Variants in STARD13 observed in about 807,000 individuals in gnomAD.
STARD13 encodes stAR-related lipid transfer protein 13.
Under a neutral mutation model 106.4 loss-of-function variants are expected in STARD13, and 62 were observed. That is an observed-to-expected ratio of 0.58 (90% confidence interval 0.48 to 0.72). STARD13 has a LOEUF of 0.72. Among genes scored for constraint, STARD13 ranks in the 30% least tolerant of loss-of-function variants. STARD13 has a pLI of 0.00. For missense variants in STARD13, 1,387 were observed against 1,424.0 expected (o/e 0.97, Z 0.42); for synonymous variants, 565 against 553.0 (o/e 1.02, Z -0.31).
chr13:33,641,690 G>A, the STARD13 span, among the ~76,000 whole-genome samples: 17 of 152,260 alleles, frequency 1.1e-4, no homozygotes, highest in Admixed American at 8.5e-4. Flanking sequence ...TCCTGGAACC[G>A]TGCTGTATGG....
chr13:33,318,036 A>C (rs1893408553), intron 1 of STARD13, among the ~76,000 whole-genome samples: 2 of 152,218 alleles, frequency 1.3e-5, no homozygotes, highest in African/African-American at 4.8e-5. Flanking sequence ...TCTTTCAACC[A>C]CATTGGCATC....
the STARD13 span, among the ~76,000 whole-genome samples, chr13:33,544,277 A>G: frequency 1.3e-5 from 2 of 152,284 alleles, no homozygotes; most frequent in Admixed American, 1.3e-4. Flanking sequence ...CTACCGTGCC[A>G]TTTATAAATG....
the STARD13 span, among the ~76,000 whole-genome samples, chr13:33,529,815 T>C: frequency 6.6e-6 from 1 of 152,154 alleles, no homozygotes; most frequent in Non-Finnish European, 1.5e-5. Context: ...CAATACAGCA[T>C]GTTCAAAGAA....
the STARD13 span, among the ~76,000 whole-genome samples, chr13:33,507,678 T>C: frequency 6.6e-6 from 1 of 152,194 alleles, no homozygotes; most frequent in Non-Finnish European, 1.5e-5. Flanking sequence ...AAAACTTAAC[T>C]GTTAACACAG....
intron 3 of STARD13, among the ~76,000 whole-genome samples, chr13:33,163,954 G>A (rs983624377): frequency 6.6e-6 from 1 of 151,880 alleles, no homozygotes; most frequent in Non-Finnish European, 1.5e-5. Flanking sequence ...GGAGGAATCT[G>A]CTCCTGCTTG....
At chr13:33,473,970 G>A in the STARD13 span, among the ~76,000 whole-genome samples, 2 of 152,234 alleles carry the variant, frequency 1.3e-5, no homozygotes, top group Non-Finnish European at 2.9e-5. Flanking sequence ...GGACACTCTT[G>A]GGACTTTGTT....
chr13:33,602,076 C>T, the STARD13 span, among the ~76,000 whole-genome samples: 4 of 150,858 alleles, frequency 2.7e-5, 1 homozygote, highest in South Asian at 6.3e-4. Context: ...CCTCCTGTGA[C>T]GAACATCTAG....
chr13:33,670,824 A>T, the STARD13 span, among the ~76,000 whole-genome samples: 2 of 152,204 alleles, frequency 1.3e-5, no homozygotes, highest in African/African-American at 2.4e-5. Context: ...AGCTAGGCCC[A>T]TATTTCTTCA....
chr13:33,470,256 C>T, the STARD13 span, among the ~76,000 whole-genome samples: 7 of 152,140 alleles, frequency 4.6e-5, no homozygotes, highest in African/African-American at 1.7e-4. Context: ...GCATAGTATT[C>T]CGCGGTGTAT....
chr13:33,156,070 C>T (rs993437304), intron 3 of STARD13, among the ~76,000 whole-genome samples: 4 of 152,228 alleles, frequency 2.6e-5, no homozygotes, highest in Non-Finnish European at 5.9e-5. Flanking sequence ...ATTACGCCCC[C>T]ATTACCATAA....
chr13:33,230,437 G>T (rs1295679415), intron 1 of STARD13, among the ~76,000 whole-genome samples: 1 of 152,170 alleles, frequency 6.6e-6, no homozygotes, highest in Non-Finnish European at 1.5e-5. Flanking sequence ...CCTGAACACT[G>T]CCTCCAACAT....
chr13:33,596,898 T>TTG, the STARD13 span, among the ~76,000 whole-genome samples: 2 of 152,248 alleles, frequency 1.3e-5, no homozygotes, highest in Non-Finnish European at 2.9e-5. Flanking sequence ...TAGTATGCCA[T>TTG]TGTGTATATA....
chr13:33,318,954 T>C (rs534977137), intron 1 of STARD13, among the ~76,000 whole-genome samples: 2 of 152,286 alleles, frequency 1.3e-5, no homozygotes, highest in South Asian at 4.1e-4. Flanking sequence ...CTGGCAGGAA[T>C]GTAAAATGGT....
At chr13:33,437,615 G>T in the STARD13 span, among the ~76,000 whole-genome samples, 1 of 152,086 alleles carries the variant, frequency 6.6e-6, no homozygotes, top group African/African-American at 2.4e-5. Flanking sequence ...AATTATTAAT[G>T]ATTTAATTTG....
upstream of STARD13, among the ~76,000 whole-genome samples, chr13:33,287,781 G>A (rs1892132968): frequency 6.6e-6 from 1 of 152,098 alleles, no homozygotes; most frequent in African/African-American, 2.4e-5. Flanking sequence ...TTTGTTCAAG[G>A]CAGACACTTG....
At chr13:33,555,720 G>A in the STARD13 span, among the ~76,000 whole-genome samples, 1 of 152,168 alleles carries the variant, frequency 6.6e-6, no homozygotes, top group African/African-American at 2.4e-5. Flanking sequence ...ACCTAGAAAA[G>A]TCCCTGATCC....
the STARD13 span, among the ~76,000 whole-genome samples, chr13:33,514,221 G>A: frequency 1.3e-5 from 2 of 152,296 alleles, no homozygotes; most frequent in Non-Finnish European, 2.9e-5. Context: ...TTCACAAAGT[G>A]TAATGGAGAA....
chr13:33,526,733 G>A, the STARD13 span, among the ~76,000 whole-genome samples: 1 of 149,092 alleles, frequency 6.7e-6, no homozygotes, highest in African/African-American at 2.5e-5. Flanking sequence ...AGGACTGTAA[G>A]GAGTTTATAA....
chr13:33,608,942 C>T, the STARD13 span, among the ~76,000 whole-genome samples: 7 of 151,500 alleles, frequency 4.6e-5, no homozygotes, highest in East Asian at 1.9e-4. Flanking sequence ...AAAAATTAGC[C>T]GGGCGTGGTG....
Sources: gnomAD v4.1 joint callset for allele counts (sites outside exome capture counted in the v4.1 genomes callset) on GRCh38, gnomAD v4.1.1 for gene constraint, MANE v1.5 for transcripts, NCBI Gene and HGNC (gene_info 2026-07-23, HGNC 2026-07-21) for gene names.